Variants in NUP205 observed in about 807,000 individuals in gnomAD.
The protein encoded by NUP205 is nucleoporin 205, also known as nuclear pore complex protein Nup205.
In NUP205, 76 loss-of-function variants were observed where a neutral mutation model predicts 253.8. The observed-to-expected ratio is 0.30, with a 90% CI of 0.25 to 0.36. NUP205 has a LOEUF of 0.36. Among genes scored for constraint, NUP205 ranks in the 10% least tolerant of loss-of-function variants. The probability of loss-of-function intolerance (pLI) is 1.00; values close to 1 mark genes in which losing one functional copy is unlikely to be tolerated. For synonymous variants in NUP205, 832 were observed against 850.1 expected (o/e 0.98, Z 0.37); for missense variants, 2,162 against 2,425.5 (o/e 0.89, Z 2.28).
chr7:135,589,841 G>C (rs1485469677), intron 10 of NUP205, among the ~76,000 whole-genome samples: 1 of 151,094 alleles, frequency 6.6e-6, no homozygotes, highest in Non-Finnish European at 1.5e-5. Flanking sequence ...GCTGAGGTGG[G>C]AGGATCATTT....
At chr7:135,638,157 C>T in intron 37 of NUP205, 98 bp downstream of exon 37, 1 of 1,336,644 alleles carries the variant, frequency 7.5e-7, no homozygotes, top group South Asian at 1.4e-5. Context: ...CGCCTATAAT[C>T]CCAGCACTTT....
chr7:135,579,352 A>C (rs1474796811), intron 7 of NUP205, among the ~76,000 whole-genome samples: 1 of 151,334 alleles, frequency 6.6e-6, no homozygotes, highest in Non-Finnish European at 1.5e-5. Context: ...GCGCCACCAC[A>C]CCTGGCTAAT....
intron 1 of NUP205, among the ~76,000 whole-genome samples, chr7:135,560,814 GGGGCTGGGAAA>G (rs569118561): frequency 1.2e-3 from 184 of 152,272 alleles, no homozygotes; most frequent in Non-Finnish European, 1.5e-3. Context: ...GTGGTTGCCA[GGGGCTGGGAAA>G]GGGGAAAGTG....
At chr7:135,647,752 A>T (rs1337405325) in intron 42 of NUP205, among the ~76,000 whole-genome samples, 3 of 152,236 alleles carry the variant, frequency 2.0e-5, no homozygotes, top group Non-Finnish European at 4.4e-5. Context: ...TTAATAAATA[A>T]TCTCACACTC....
At chr7:135,596,524 C>T (rs1344184721) in intron 13 of NUP205, among the ~76,000 whole-genome samples, 5 of 152,104 alleles carry the variant, frequency 3.3e-5, no homozygotes, top group African/African-American at 1.2e-4. Context: ...AATTAGTATA[C>T]TTTTGATTTG....
chr7:135,599,980 G>A (rs1006947796), intron 15 of NUP205, among the ~76,000 whole-genome samples: 2 of 151,956 alleles, frequency 1.3e-5, no homozygotes, highest in Non-Finnish European at 2.9e-5. Context: ...GAAAATTTTG[G>A]AAAATGCAAA....
chr7:135,600,934 T>C lies in NUP205; in HGVS notation c.2339T>C (p.Leu780Pro), dbSNP rs1476881841. The C allele has an allele frequency of 6.2e-7, 1 of 1,611,218 alleles. No homozygotes were observed. Among genetic ancestry groups the C allele is most frequent in the Non-Finnish European group, 8.5e-7 (1 of 1,177,968 alleles). ...YKLLRDYEPQLEDFVDQFVEL... is the reference protein window; with the variant it reads ...YKLLRDYEPQPEDFVDQFVEL... ...TTGCTCAGAGATTATGAGCCTCAGCTTGAAGATTTTGTAGACCAGTTTGTG... is the reference window on the plus strand; with the variant it reads ...TTGCTCAGAGATTATGAGCCTCAGCCTGAAGATTTTGTAGACCAGTTTGTG... Residue 780 changes from leucine (L) to proline (P), a missense_variant, in exon 16 of 43, where the codon CTT becomes CCT. Leu to Pro is a moderately conservative substitution (Grantham distance 98, BLOSUM62 -3). Coordinates refer to ENST00000285968, the MANE Select transcript of NUP205 (RefSeq NM_015135.3).
intron 42 of NUP205, among the ~76,000 whole-genome samples, chr7:135,646,882 C>A (rs1015206952): frequency 6.6e-6 from 1 of 152,174 alleles, no homozygotes; most frequent in African/African-American, 2.4e-5. Context: ...GGTAAGCATT[C>A]CGTGATTGGT....
intron 12 of NUP205, among the ~76,000 whole-genome samples, chr7:135,593,912 G>A (rs761898268): frequency 7.2e-5 from 11 of 152,150 alleles, no homozygotes; most frequent in Non-Finnish European, 1.3e-4. Flanking sequence ...TAGCACTACA[G>A]GGTGAATATA....
rs533967969 is a variant in NUP205, at chr7:135,630,483, T to C, written c.5059+13T>C. 7 of 1,576,712 alleles carry C rather than the reference T, an allele frequency of 4.4e-6. No individual in the cohort carries two copies. In the African/African-American group the frequency reaches 8.2e-5, roughly 19 times the overall value. ...GCAGCACTTCCTGGTGAGTTGATTA[T>C]GTTGAAAGGATTTTTAATAATTCTT... On this transcript the variant is annotated intron_variant, in intron 35 of 42. Coordinates refer to ENST00000285968, the MANE Select transcript of NUP205 (RefSeq NM_015135.3).
At chr7:135,643,507 G>A (rs1018122230) in intron 39 of NUP205, 149 bp downstream of exon 39, 30 of 610,002 alleles carry the variant, frequency 4.9e-5, no homozygotes, top group African/African-American at 1.8e-4. Context: ...CTCCTTCGCC[G>A]TAGCACCAGC....
intron 33 of NUP205, among the ~76,000 whole-genome samples, chr7:135,627,330 A>AT (rs1176641297): frequency 6.6e-6 from 1 of 152,208 alleles, no homozygotes; most frequent in African/African-American, 2.4e-5. Context: ...TTTTATTTTT[A>AT]TACAGATTGA....
chr7:135,570,046 TATATATAGAGAG>T (rs71174533), intron 1 of NUP205, among the ~76,000 whole-genome samples: 2,149 of 102,098 alleles, frequency 0.021, 21 homozygotes, highest in Non-Finnish European at 0.032. Flanking sequence ...TATATATATA[TATATATAGAGAG>T]AGAGAGAGAG....
At chr7:135,639,398 A>G (rs1584692361) in intron 38 of NUP205, among the ~76,000 whole-genome samples, 1 of 152,204 alleles carries the variant, frequency 6.6e-6, no homozygotes, top group Non-Finnish European at 1.5e-5. Flanking sequence ...TATGAAAAGT[A>G]TATTAGTGGC....
intron 18 of NUP205, among the ~76,000 whole-genome samples, chr7:135,603,501 T>C (rs1794009574): frequency 6.6e-6 from 1 of 151,578 alleles, no homozygotes; most frequent in African/African-American, 2.4e-5. Context: ...AGAATCTAAG[T>C]CTACTTTTTT....
At position 135,579,183 on chromosome 7, in the gene NUP205, A is replaced by T. The variant is rs150200039; in HGVS notation, c.1042+268A>T. ...GGGTATGAGTTTAAAATTTGGAATG[A>T]CAGTGTCACATTAATTTTTTTTTTT... On this transcript the variant is annotated intron_variant, in intron 7 of 42. Coordinates refer to ENST00000285968, the MANE Select transcript of NUP205 (RefSeq NM_015135.3). Among the ~76,000 whole-genome samples, 290 of 151,218 alleles carry T rather than the reference A, an allele frequency of 1.9e-3. No individual in the cohort carries two copies. Among genetic ancestry groups the T allele is most frequent in the Non-Finnish European group, 2.8e-3 (187 of 67,868 alleles).
intron 31 of NUP205, among the ~76,000 whole-genome samples, chr7:135,623,461 A>G (rs1049404999): frequency 1.3e-5 from 2 of 152,174 alleles, no homozygotes; most frequent in African/African-American, 4.8e-5. Flanking sequence ...TTTCAGAATT[A>G]TCTTCTTGCT....
chr7:135,572,147 C>T (rs1258273502), intron 2 of NUP205, among the ~76,000 whole-genome samples: 3 of 152,132 alleles, frequency 2.0e-5, no homozygotes, highest in Non-Finnish European at 4.4e-5. Flanking sequence ...ACGTGAGCCA[C>T]TGTGCCCTGC....
intron 19 of NUP205, among the ~76,000 whole-genome samples, chr7:135,605,607 C>T (rs1258393335): frequency 1.3e-5 from 2 of 151,416 alleles, no homozygotes; most frequent in East Asian, 1.9e-4. Context: ...TTTATGAAAC[C>T]TTGTGATAAT....
Sources: gnomAD v4.1 joint callset for allele counts (sites outside exome capture counted in the v4.1 genomes callset) on GRCh38, gnomAD v4.1.1 for gene constraint, MANE v1.5 for transcripts, NCBI Gene and HGNC (gene_info 2026-07-23, HGNC 2026-07-21) for gene names.